MYH9: variants seen among roughly 807,000 people sequenced by gnomAD.
MYH9 encodes myosin-9.
A neutral mutation model predicts 241.9 loss-of-function variants in MYH9; 29 were observed. The ratio of observed to expected loss-of-function variants is 0.12; its 90% CI spans 0.09 to 0.16. MYH9 has a LOEUF of 0.16. MYH9 is among the 10% of genes least tolerant of loss of function. The pLI is 1.00. For missense variants in MYH9, 1,803 were observed against 2,595.5 expected, an observed-to-expected ratio of 0.69 and a Z score of 6.63; for synonymous variants, 1,047 against 1,062.6, an observed-to-expected ratio of 0.99 and a Z score of 0.29.
intron 9 of MYH9, chr22:36,319,907 C>G (rs1013749325): frequency 1.6e-6 from 1 of 610,714 alleles, no homozygotes; most frequent in Non-Finnish European, 2.9e-6. Flanking sequence ...CTATCCCCAG[C>G]TTCTTCCACA....
intron 4 of MYH9, among the ~76,000 whole-genome samples, 162 bp from the exon 5 acceptor site, chr22:36,326,823 T>C (rs765820787): frequency 7.9e-5 from 12 of 152,206 alleles, no homozygotes; most frequent in African/African-American, 9.6e-5. Context: ...TCTGGAATCC[T>C]CAGGCAGTTC....
chr22:36,344,793 C>T (rs1401681728), intron 2 of MYH9, among the ~76,000 whole-genome samples: 1 of 152,148 alleles, frequency 6.6e-6, no homozygotes, highest in African/African-American at 2.4e-5. Flanking sequence ...AATGACTGTT[C>T]CCTTTCGTGG....
intron 25 of MYH9, among the ~76,000 whole-genome samples, chr22:36,296,267 C>T (rs1321078714): frequency 1.3e-5 from 2 of 152,148 alleles, no homozygotes; most frequent in African/African-American, 2.4e-5. Flanking sequence ...CAGAGTCTCG[C>T]TCTGTCACCT....
chr22:36,311,898 G>A (rs968847052), intron 14 of MYH9, 151 bp downstream of exon 14: 28 of 861,828 alleles, frequency 3.2e-5, no homozygotes, highest in Admixed American at 1.6e-4. Context: ...TGCTGTCACC[G>A]GCCACATTAC....
At chr22:36,379,968 G>A (rs1243686131) in intron 1 of MYH9, among the ~76,000 whole-genome samples, 1 of 152,208 alleles carries the variant, frequency 6.6e-6, no homozygotes, top group Non-Finnish European at 1.5e-5. Flanking sequence ...GCATCAGAGT[G>A]GGCAGCTCCC....
At chr22:36,321,133 CAG>C (rs1307308189) in intron 7 of MYH9, among the ~76,000 whole-genome samples, 6 of 152,214 alleles carry the variant, frequency 3.9e-5, no homozygotes, top group Non-Finnish European at 8.8e-5. Context: ...TTAGTAGAGA[CAG>C]AGTTTTGCCA....
intron 3 of MYH9, 104 bp downstream of exon 3, chr22:36,341,266 C>T (rs2017584513): frequency 2.1e-6 from 3 of 1,451,452 alleles, no homozygotes; most frequent in Non-Finnish European, 2.9e-6. Context: ...CATCACCAGC[C>T]ACTAGATCAA....
intron 31 of MYH9, among the ~76,000 whole-genome samples, chr22:36,291,413 T>C (rs1205461880): frequency 6.6e-6 from 1 of 151,924 alleles, no homozygotes; most frequent in African/African-American, 2.4e-5. Flanking sequence ...ATGTGCTGTG[T>C]CCACTCAGGG....
intron 1 of MYH9, among the ~76,000 whole-genome samples, chr22:36,377,791 G>A (rs954188820): frequency 1.4e-4 from 22 of 152,034 alleles, no homozygotes; most frequent in Non-Finnish European, 2.8e-4. Flanking sequence ...GCACCTTGTA[G>A]TCTCAGCTAC....
At position 36,320,378 on chromosome 22, in the gene MYH9, G is replaced by A. The variant is rs1798638587; in HGVS notation, c.869-15C>T. 1 of 1,612,152 alleles carries A rather than the reference G, an allele frequency of 6.2e-7. No homozygotes were observed. The highest frequency in any genetic ancestry group is 8.5e-7 in the Non-Finnish European group (1 of 1,180,016). ...CAGGAGATCGGCTGTAAGGGGTGGA[G>A]GGCAAGGGCGCCTCAGCGAGGTGCT... is the stretch of plus-strand genomic sequence containing the variant. On this transcript the variant is annotated splice_polypyrimidine_tract_variant and intron_variant, in intron 8 of 40. Coordinates refer to ENST00000216181, the MANE Select transcript of MYH9 (RefSeq NM_002473.6). The surrounding 1 kb of genome is among the most constrained non-coding windows in gnomAD (Gnocchi z 4.8).
At chr22:36,354,058 G>A (rs557108577) in intron 1 of MYH9, among the ~76,000 whole-genome samples, 2 of 152,098 alleles carry the variant, frequency 1.3e-5, no homozygotes, top group South Asian at 2.1e-4. Flanking sequence ...GTGCCACCAC[G>A]CCTGGCTAAT....
At chr22:36,370,296 CAGAAGCCAAAGAA>C (rs1450455541) in intron 1 of MYH9, among the ~76,000 whole-genome samples, 1 of 152,176 alleles carries the variant, frequency 6.6e-6, no homozygotes, top group Non-Finnish European at 1.5e-5. Context: ...TGGTGAGGCT[CAGAAGCCAAAGAA>C]ATAAAGCCAT....
At chr22:36,334,359 C>T (rs1489366976) in intron 3 of MYH9, among the ~76,000 whole-genome samples, 1 of 152,198 alleles carries the variant, frequency 6.6e-6, no homozygotes, top group East Asian at 1.9e-4. Context: ...CCTGTCTGGT[C>T]CACCAGCATC....
intron 3 of MYH9, among the ~76,000 whole-genome samples, chr22:36,334,064 A>G (rs2017461563): frequency 6.6e-6 from 1 of 151,688 alleles, no homozygotes; most frequent in African/African-American, 2.4e-5. Flanking sequence ...AGAGCAAAGC[A>G]TGGTGGGCCT....
Position 36,292,025 on chromosome 22 carries a change from G to A in MYH9, c.4305C>T (p.Ser1435=), listed in dbSNP as rs768359816. The A allele has an allele frequency of 3.5e-5, 57 of 1,614,178 alleles. No individual in the cohort carries two copies. Among genetic ancestry groups the A allele is most frequent in the Middle Eastern group, 1.6e-4 (1 of 6,062 alleles). The stretch of plus-strand genomic sequence containing the variant: ...TCTGCTTCTTCTCCAGGTTGCACGC[G>A]CTCTGGCGCTGGTGGTCCAGGTCCA... The part of the protein sequence containing the change: ...LLVDLDHQRQ[S]ACNLEKKQKK... The change falls in exon 31 of 41, where the codon AGC becomes AGT. Residue 1435 remains serine, a synonymous_variant. Coordinates refer to ENST00000216181, the MANE Select transcript of MYH9 (RefSeq NM_002473.6).
Position 36,314,218 on chromosome 22 carries a change from C to T in MYH9, c.1481G>A (p.Arg494His), listed in dbSNP as rs1166441183. ...GATGAAGTTCCACTCGATGCCCTCG[C>T]GCTGGTACTCCTCCTGCTCCAGGAT... ...MFILEQEEYQ[R>H]EGIEWNFIDF... The change falls in exon 13 of 41, where the codon CGC becomes CAC. Residue 494 changes from arginine (R) to histidine (H), a missense_variant. Transcript: ENST00000216181. 3.1e-6 allele frequency: 5 copies of T among 1,614,236 alleles called. No homozygotes were observed. The highest frequency in any genetic ancestry group is 1.7e-5 in the Admixed American group (1 of 60,032).
In MYH9 at chr22:36,285,109, AG is replaced by A; in HGVS notation, c.5483+11del. 1 of 1,613,208 alleles carries A rather than the reference AG, an allele frequency of 6.2e-7. No individual in the cohort carries two copies. ...AGGACAGCTGGGGTTGGGCGGGGCC[AG>A]GGGCACGTACTTGGTCTCGTTGTCC... is the stretch of plus-strand genomic sequence containing the variant. On this transcript the variant is annotated intron_variant, in intron 38 of 40. Coordinates refer to ENST00000216181, the MANE Select transcript of MYH9 (RefSeq NM_002473.6). The surrounding 1 kb of genome is among the most constrained non-coding windows in gnomAD (Gnocchi z 7.0).
At chr22:36,314,590 T>C (rs377423315) in intron 12 of MYH9, among the ~76,000 whole-genome samples, 1 of 152,160 alleles carries the variant, frequency 6.6e-6, no homozygotes. Context: ...ACAAAGAAAG[T>C]AGTTATTTTG....
intron 15 of MYH9, chr22:36,308,883 G>C: frequency 3.0e-6 from 3 of 984,694 alleles, no homozygotes; most frequent in Non-Finnish European, 3.6e-6. Flanking sequence ...GCAACAGAGA[G>C]GTTAAAGCAA....
Sources: gnomAD v4.1 joint callset for allele counts (sites outside exome capture counted in the v4.1 genomes callset) on GRCh38, gnomAD v4.1.1 for gene constraint, Gnocchi (gnomAD v3.1) non-coding constraint, MANE v1.5 for transcripts, NCBI Gene and HGNC (gene_info 2026-07-23, HGNC 2026-07-21) for gene names.